Variants in POU6F2 observed in about 807,000 individuals in gnomAD.
POU6F2 encodes the protein POU class 6 homeobox 2, also known as POU domain, class 6, transcription factor 2.
In POU6F2, 31 loss-of-function variants were observed where a neutral mutation model predicts 71.3. That is an observed-to-expected ratio of 0.43 (90% confidence interval 0.33 to 0.59). POU6F2 has a LOEUF of 0.59. Among genes scored for constraint, POU6F2 ranks in the 20% least tolerant of loss-of-function variants. The probability of loss-of-function intolerance (pLI) is 0.04; values close to 1 mark genes in which losing one functional copy is unlikely to be tolerated. For synonymous variants in POU6F2, 347 were observed against 355.7 expected, an observed-to-expected ratio of 0.98 and a Z score of 0.27; for missense variants, 783 against 856.8, an observed-to-expected ratio of 0.91 and a Z score of 1.07.
intron 4 of POU6F2, among the ~76,000 whole-genome samples, chr7:39,256,935 C>A (rs1784036078): frequency 6.6e-6 from 1 of 152,176 alleles, no homozygotes; most frequent in South Asian, 2.1e-4. Flanking sequence ...TGTTTTACTT[C>A]CAGAAATGTA....
intron 2 of POU6F2, among the ~76,000 whole-genome samples, chr7:39,198,868 A>G (rs1420093954): frequency 6.6e-6 from 1 of 152,178 alleles, no homozygotes; most frequent in African/African-American, 2.4e-5. Context: ...AGAAAAGTTT[A>G]ATTTAGAGGG....
At chr7:39,367,729 C>T (rs1786531153) in intron 5 of POU6F2, among the ~76,000 whole-genome samples, 1 of 152,224 alleles carries the variant, frequency 6.6e-6, no homozygotes, top group South Asian at 2.1e-4. Context: ...TGTGGCAACC[C>T]TGCATCTAGC....
intron 4 of POU6F2, among the ~76,000 whole-genome samples, chr7:39,276,618 C>A (rs1458658646): frequency 6.6e-6 from 1 of 151,598 alleles, no homozygotes; most frequent in African/African-American, 2.4e-5. Context: ...TTTATTGCGG[C>A]ACTATTCACA....
chr7:39,171,177 G>A (rs1009642155), intron 2 of POU6F2, among the ~76,000 whole-genome samples: 4 of 151,810 alleles, frequency 2.6e-5, no homozygotes, highest in Admixed American at 2.6e-4. Context: ...TTGTCCTAAT[G>A]TTCTCCCTCC....
At chr7:39,011,882 C>A (rs1453861867) in intron 1 of POU6F2, among the ~76,000 whole-genome samples, 1 of 151,428 alleles carries the variant, frequency 6.6e-6, no homozygotes, top group Non-Finnish European at 1.5e-5. Flanking sequence ...AGGGTTTCTG[C>A]CGAGAGATCC....
intron 1 of POU6F2, among the ~76,000 whole-genome samples, chr7:39,029,758 A>G (rs9886128): frequency 0.14 from 21,637 of 152,176 alleles, 2,329 homozygotes; most frequent in African/African-American, 0.3. Flanking sequence ...TTGTCATGAA[A>G]TTATTATCAA....
intron 2 of POU6F2, among the ~76,000 whole-genome samples, chr7:39,090,570 A>C (rs184900696): frequency 1.4e-4 from 21 of 152,278 alleles, no homozygotes; most frequent in African/African-American, 4.8e-4. Flanking sequence ...TAATATTCTG[A>C]TTAACTATTC....
intron 4 of POU6F2, among the ~76,000 whole-genome samples, chr7:39,330,178 T>C (rs761160969): frequency 6.6e-6 from 1 of 152,198 alleles, no homozygotes; most frequent in Non-Finnish European, 1.5e-5. Context: ...ATCTCTGTCT[T>C]TTATTAACTT....
chr7:39,417,375 A>G (rs1562822191), intron 6 of POU6F2, among the ~76,000 whole-genome samples: 1 of 152,208 alleles, frequency 6.6e-6, no homozygotes. Context: ...AAAAGTCACA[A>G]CTTACAACAG....
chr7:39,277,834 G>A (rs1034567804), intron 4 of POU6F2, among the ~76,000 whole-genome samples: 5 of 151,978 alleles, frequency 3.3e-5, no homozygotes, highest in East Asian at 1.9e-4. Flanking sequence ...CATGGCGGGC[G>A]AATCACAAGG....
At chr7:39,119,543 C>A (rs1792000057) in intron 2 of POU6F2, among the ~76,000 whole-genome samples, 1 of 151,914 alleles carries the variant, frequency 6.6e-6, no homozygotes, top group African/African-American at 2.4e-5. Flanking sequence ...TCTCACCCTC[C>A]AAAAGAGAAA....
intron 4 of POU6F2, among the ~76,000 whole-genome samples, chr7:39,234,790 G>T (rs1794642510): frequency 6.6e-6 from 1 of 152,144 alleles, no homozygotes; most frequent in Non-Finnish European, 1.5e-5. Context: ...GATTTCTCAT[G>T]CATCAATAGT....
intron 2 of POU6F2, among the ~76,000 whole-genome samples, chr7:39,138,654 G>T (rs1480307424): frequency 6.6e-6 from 1 of 152,168 alleles, no homozygotes; most frequent in Admixed American, 6.5e-5. Flanking sequence ...GGCTCCCACT[G>T]ATTCTACATT....
At chr7:38,982,575 A>G (rs1030397833) in intron 1 of POU6F2, among the ~76,000 whole-genome samples, 75 of 152,118 alleles carry the variant, frequency 4.9e-4, no homozygotes, top group African/African-American at 1.8e-3. Context: ...TTATGTTTAG[A>G]ATTTTTAAAA....
At chr7:39,336,059 C>A (rs1321295972) in intron 4 of POU6F2, among the ~76,000 whole-genome samples, 1 of 152,220 alleles carries the variant, frequency 6.6e-6, no homozygotes, top group Non-Finnish European at 1.5e-5. Flanking sequence ...CTTCCCAGGG[C>A]AATGTAACTT....
chr7:39,058,849 G>T (rs978079288), intron 1 of POU6F2, among the ~76,000 whole-genome samples: 1 of 152,054 alleles, frequency 6.6e-6, no homozygotes, highest in Non-Finnish European at 1.5e-5. Flanking sequence ...ACAGGGGCAG[G>T]GAGTTTTATT....
intron 5 of POU6F2, among the ~76,000 whole-genome samples, chr7:39,348,629 C>G (rs1786075725): frequency 6.6e-6 from 1 of 152,136 alleles, no homozygotes. Context: ...TTATATCTTA[C>G]CACCTCTGCG....
At chr7:39,006,823 T>C (rs1789084979) in intron 1 of POU6F2, 14 of 1,612,990 alleles carry the variant, frequency 8.7e-6, no homozygotes, top group Admixed American at 1.7e-5. Context: ...AAGAATGTTC[T>C]TATAATGATC....
chr7:39,165,115 C>T (rs896331253), intron 2 of POU6F2, among the ~76,000 whole-genome samples: 2 of 152,158 alleles, frequency 1.3e-5, no homozygotes, highest in African/African-American at 4.8e-5. Context: ...CCCTGACTGG[C>T]GGCGCACTCA....
Sources: allele counts gnomAD v4.1 joint callset (sites outside exome capture counted in the v4.1 genomes callset), GRCh38; gene constraint gnomAD v4.1.1; transcripts MANE v1.5; gene names NCBI Gene and HGNC (gene_info 2026-07-23, HGNC 2026-07-21).